The following GSTZ1 variants were observed in gnomAD, a reference collection of about 807,000 sequenced individuals.
The protein encoded by GSTZ1 is maleylacetoacetate isomerase.
GSTZ1 carries 34 observed loss-of-function variants against 35.9 expected under a neutral mutation model. That is an observed-to-expected ratio of 0.95 (90% CI 0.72 to 1.26). The LOEUF is 1.26. Ranked by LOEUF, GSTZ1 falls within the 50% of genes most tolerant of loss-of-function variation. The probability of loss-of-function intolerance (pLI) is 0.00; values close to 1 mark genes in which losing one functional copy is unlikely to be tolerated. For synonymous variants in GSTZ1, 93 were observed against 101.2 expected (o/e 0.92, Z 0.49); for missense variants, 263 against 271.7 (o/e 0.97, Z 0.23).
Position 77,330,349 on chromosome 14 carries a change from A to G in GSTZ1, c.514A>G (p.Asn172Asp). The change falls in exon 8 of 9, where the codon AAT becomes GAT. Residue 172 changes from asparagine to aspartate, a missense_variant. Transcript: ENST00000216465. ...ADLCLVPQVA[N>D]AERFKVDLTP... ...TCTGTGCTTGGTGCCTCAGGTGGCAAATGCTGAAAGGTAAGAGAGAGCCCC... is the reference window on the plus strand; with the variant it reads ...TCTGTGCTTGGTGCCTCAGGTGGCAGATGCTGAAAGGTAAGAGAGAGCCCC... 1.2e-6 allele frequency: 2 copies of G among 1,613,416 alleles called. No individual in the cohort carries two copies. The highest frequency in any genetic ancestry group is 1.7e-6 in the Non-Finnish European group (2 of 1,179,372).
intron 5 of GSTZ1, chr14:77,328,805 G>A (rs1327739326): frequency 5.1e-6 from 2 of 395,684 alleles, no homozygotes; most frequent in East Asian, 5.1e-5. Context: ...AGGGAGACAG[G>A]CCTCGAGTTG....
In GSTZ1 at chr14:77,326,884, C is replaced by T. The variant is rs756857452; in HGVS notation, c.114C>T (p.Leu38=). 2.5e-6 allele frequency: 4 copies of T among 1,605,802 alleles called. No homozygotes were observed. The African/African-American group carries it at 4.0e-5, about 16-fold the overall frequency. The change falls in exon 3 of 9, where the codon CTC becomes CTT. Residue 38 remains leucine (L), a synonymous_variant. Transcript: ENST00000216465. ...GIDYETVPIN[L]IKDGGQQFSK... Reference sequence around the variant, plus strand: ...ACTACGAGACGGTGCCCATCAATCTCATAAAGGATGGGGGCCAACAGGTAA... The same window carrying T: ...ACTACGAGACGGTGCCCATCAATCTTATAAAGGATGGGGGCCAACAGGTAA...
At chr14:77,321,281 C>T (rs747172421) in intron 1 of GSTZ1, 98 bp downstream of exon 1, 10 of 1,521,142 alleles carry the variant, frequency 6.6e-6, no homozygotes, top group Non-Finnish European at 8.9e-6. Context: ...CCCAGGCCGA[C>T]AACGACTCCC....
intron 1 of GSTZ1, chr14:77,324,091 G>GTC: frequency 5.9e-6 from 1 of 168,986 alleles, no homozygotes; most frequent in Admixed American, 5.5e-5. Flanking sequence ...TCTGTTGGGG[G>GTC]GACACCAAAC....
In GSTZ1 at chr14:77,331,238, A is replaced by C; in HGVS notation, c.*43A>C. 1.3e-6 allele frequency: 2 copies of C among 1,586,784 alleles called. No homozygotes were observed. The highest frequency in any genetic ancestry group is 1.7e-6 in the Non-Finnish European group (2 of 1,164,152). ...GTTGGCACAGGGCCACAGGAGCAGAAGCTGGGTGGGCTGAAGAGGCCTGGA... is the reference window on the plus strand; with the variant it reads ...GTTGGCACAGGGCCACAGGAGCAGACGCTGGGTGGGCTGAAGAGGCCTGGA... On this transcript the variant is annotated 3_prime_UTR_variant, in exon 9 of 9. Transcript: ENST00000216465.
At chr14:77,324,974 G>T (rs956254903) in intron 2 of GSTZ1, 53 bp downstream of exon 2, 63 of 1,455,412 alleles carry the variant, frequency 4.3e-5, no homozygotes, top group Non-Finnish European at 6.0e-5. Context: ...GGACTGGGGC[G>T]GATAAGCCCG....
intron 1 of GSTZ1, chr14:77,322,833 T>A: frequency 2.7e-6 from 1 of 365,822 alleles, no homozygotes; most frequent in Non-Finnish European, 3.8e-6. Flanking sequence ...GAGTTGGTAG[T>A]ACAGGGATGG....
intron 2 of GSTZ1, 95 bp from the exon 3 acceptor site, chr14:77,326,743 C>G (rs748139300): frequency 3.8e-5 from 32 of 836,288 alleles, no homozygotes; most frequent in Non-Finnish European, 6.1e-5. Context: ...GAAGCCTCCC[C>G]CTCTTTGGCC....
At position 77,327,991 on chromosome 14, in the gene GSTZ1, T is replaced by G; in HGVS notation, c.296T>G (p.Val99Gly). Residue 99 changes from valine to glycine, a missense_variant, in exon 5 of 9, where the codon GTG becomes GGG. By Grantham distance (109) the Val-to-Gly change is moderately radical. Coordinates refer to ENST00000216465, the MANE Select transcript of GSTZ1 (RefSeq NM_145870.3). ...CAGGACCCAAAGAAGAGGGCCAGCG[T>G]GCGTATGATTTCTGACCTCATCGCT... ...LPQDPKKRAS[V>G]RMISDLIAGG... 2 of 1,614,098 alleles carry G rather than the reference T, an allele frequency of 1.2e-6. No homozygotes were observed. The highest frequency in any genetic ancestry group is 1.7e-6 in the Non-Finnish European group (2 of 1,179,970).
At chr14:77,328,363 C>G (rs1362415751) in intron 5 of GSTZ1, 1 of 340,366 alleles carries the variant, frequency 2.9e-6, no homozygotes. Context: ...GAGCAGCTTC[C>G]GTTTCATCTG....
chr14:77,326,781 C>T, intron 2 of GSTZ1, 57 bp from the exon 3 acceptor site: 1 of 1,308,220 alleles, frequency 7.6e-7, no homozygotes, highest in East Asian at 2.4e-5. Flanking sequence ...GGGCTCTTTC[C>T]TTTAAGAGTA....
chr14:77,330,425 G>A (rs1484109895), intron 8 of GSTZ1, 66 bp downstream of exon 8: 1 of 1,289,748 alleles, frequency 7.8e-7, no homozygotes, highest in African/African-American at 1.5e-5. Context: ...CACTCAGCTG[G>A]CGAGATAGCA....
intron 2 of GSTZ1, 24 bp from the exon 3 acceptor site, chr14:77,326,814 T>A (rs1330764043): frequency 3.2e-6 from 5 of 1,563,148 alleles, no homozygotes; most frequent in Non-Finnish European, 4.4e-6. Context: ...GTTCTTTGAC[T>A]CCGCTATGTG....
At chr14:77,324,497 C>A in intron 1 of GSTZ1, 1 of 981,458 alleles carries the variant, frequency 1.0e-6, no homozygotes, top group Non-Finnish European at 1.6e-6. Context: ...CTGGGTAGCC[C>A]AGCTTCCCCA....
intron 8 of GSTZ1, among the ~76,000 whole-genome samples, chr14:77,330,613 C>T (rs559305243): frequency 6.6e-6 from 1 of 152,148 alleles, no homozygotes; most frequent in East Asian, 1.9e-4. Context: ...ACCTGGTGGA[C>T]CCCCAAGAGC....
intron 1 of GSTZ1, 183 bp downstream of exon 1, chr14:77,321,366 G>C: frequency 6.5e-7 from 1 of 1,530,912 alleles, no homozygotes; most frequent in Admixed American, 2.0e-5. Flanking sequence ...CGAAGTTCCG[G>C]GAGGGTTGGG....
Position 77,326,833 on chromosome 14 carries a change from C to T in GSTZ1, c.68-5C>T, listed in dbSNP as rs1253453003. ...TTTGACTCCGCTATGTGCGGTCTCT[C>T]CTAGCTCTGGCCTTGAAAGGCATCG... On this transcript the variant is annotated splice_region_variant and splice_polypyrimidine_tract_variant and intron_variant, in intron 2 of 8. Coordinates refer to ENST00000216465, the MANE Select transcript of GSTZ1 (RefSeq NM_145870.3). 1.2e-6 allele frequency: 2 copies of T among 1,600,212 alleles called. No individual in the cohort carries two copies.
intron 2 of GSTZ1, chr14:77,325,601 G>T (rs1262148493): frequency 6.6e-6 from 1 of 152,354 alleles, no homozygotes; most frequent in Non-Finnish European, 1.5e-5. Flanking sequence ...CTAAGAGGCA[G>T]AACTGGAATT....
intron 2 of GSTZ1, 72 bp from the exon 3 acceptor site, chr14:77,326,766 T>C: frequency 8.6e-7 from 1 of 1,158,144 alleles, no homozygotes. Context: ...AATGTCACCT[T>C]AGAAGGGCTC....
Sources: gnomAD v4.1 joint callset for allele counts (sites outside exome capture counted in the v4.1 genomes callset) on GRCh38, gnomAD v4.1.1 for gene constraint, MANE v1.5 for transcripts, NCBI Gene and HGNC (gene_info 2026-07-23, HGNC 2026-07-21) for gene names.